Variants in ZNF600 observed in about 807,000 individuals in gnomAD.
The protein encoded by ZNF600 is zinc finger protein KR-ZNF1.
A neutral mutation model predicts 7.3 loss-of-function variants in ZNF600; 4 were observed. That is an observed-to-expected ratio of 0.55 (90% CI 0.27 to 1.25). ZNF600 has a LOEUF of 1.25. Among genes scored for constraint, ZNF600 ranks in the 50% most tolerant of loss-of-function variants. The probability of loss-of-function intolerance (pLI) is 0.12; values close to 1 mark genes in which losing one functional copy is unlikely to be tolerated. For synonymous variants in ZNF600, 290 were observed against 308.9 expected, an observed-to-expected ratio of 0.94 and a Z score of 0.64; for missense variants, 911 against 922.1, an observed-to-expected ratio of 0.99 and a Z score of 0.16.
the ZNF600 span, among the ~76,000 whole-genome samples, chr19:52,816,390 C>T: frequency 2.1e-5 from 3 of 145,902 alleles, 1 homozygote; most frequent in East Asian, 6.0e-4. Flanking sequence ...GCAAGCCGGG[C>T]GCGGTGGCTC....
At chr19:52,814,793 A>G in the ZNF600 span, among the ~76,000 whole-genome samples, 3 of 146,192 alleles carry the variant, frequency 2.1e-5, no homozygotes, top group African/African-American at 5.3e-5. Flanking sequence ...AGCCTGAGGC[A>G]GGAGACTCGC....
the ZNF600 span, chr19:52,800,223 T>C: frequency 3.1e-6 from 5 of 1,613,592 alleles, no homozygotes; most frequent in Non-Finnish European, 4.2e-6. Context: ...AAGTTTATGA[T>C]GACATGCAAG....
the ZNF600 span, among the ~76,000 whole-genome samples, chr19:52,812,734 T>A: frequency 1.1e-5 from 1 of 91,836 alleles, no homozygotes; most frequent in African/African-American, 4.4e-5. Flanking sequence ...CAAATCCCCC[T>A]CTGCGAGAAA....
chr19:52,809,871 G>A, the ZNF600 span: 2 of 683,252 alleles, frequency 2.9e-6, no homozygotes, highest in Admixed American at 4.9e-5. Flanking sequence ...TGGGCCTGCG[G>A]GCGGTCCGGG....
intron 2 of ZNF600, among the ~76,000 whole-genome samples, chr19:52,775,421 A>C (rs770425169): frequency 6.6e-6 from 1 of 150,914 alleles, no homozygotes; most frequent in Non-Finnish European, 1.5e-5. Context: ...GTCGTGGTGC[A>C]GGCCTGTACT....
the ZNF600 span, chr19:52,810,684 G>A: frequency 1.4e-5 from 12 of 850,392 alleles, no homozygotes; most frequent in East Asian, 7.3e-5. Flanking sequence ...GGGCTAGAGC[G>A]ACATCACGGT....
At chr19:52,811,132 G>C in the ZNF600 span, among the ~76,000 whole-genome samples, 1 of 150,638 alleles carries the variant, frequency 6.6e-6, no homozygotes, top group Non-Finnish European at 1.5e-5. Context: ...AACCACGAGT[G>C]ATCCGCCAGC....
intron 1 of ZNF600, among the ~76,000 whole-genome samples, chr19:52,785,360 C>T (rs974783882): frequency 2.6e-5 from 4 of 151,914 alleles, no homozygotes; most frequent in African/African-American, 9.7e-5. Flanking sequence ...AAGGTTTCTC[C>T]TGCCTCAGCC....
the ZNF600 span, chr19:52,800,860 A>C: frequency 1.2e-6 from 2 of 1,614,084 alleles, no homozygotes; most frequent in Non-Finnish European, 1.7e-6. Flanking sequence ...CAAACCTTAC[A>C]TTTGTATGGT....
At chr19:52,768,838 A>G (rs982693190) in intron 3 of ZNF600, among the ~76,000 whole-genome samples, 3 of 152,196 alleles carry the variant, frequency 2.0e-5, no homozygotes, top group African/African-American at 4.8e-5. Context: ...CTAGATCTAG[A>G]TCATAGACAT....
chr19:52,803,761 A>G, the ZNF600 span, among the ~76,000 whole-genome samples: 1 of 152,114 alleles, frequency 6.6e-6, no homozygotes, highest in Non-Finnish European at 1.5e-5. Context: ...GTTCGAGACC[A>G]GCCTGGGCAA....
At chr19:52,770,891 T>C (rs866120542) in intron 3 of ZNF600, among the ~76,000 whole-genome samples, 2 of 152,112 alleles carry the variant, frequency 1.3e-5, no homozygotes, top group Non-Finnish European at 2.9e-5. Context: ...TGGAGTGCAA[T>C]AGCATGATCT....
At chr19:52,822,146 C>T in the ZNF600 span, among the ~76,000 whole-genome samples, 1 of 125,430 alleles carries the variant, frequency 8.0e-6, no homozygotes, top group Non-Finnish European at 1.6e-5. Context: ...GATCTTGACT[C>T]ACTGCAGCCT....
chr19:52,828,353 C>T, the ZNF600 span, among the ~76,000 whole-genome samples: 1 of 151,998 alleles, frequency 6.6e-6, no homozygotes. Flanking sequence ...CACCCGGTGG[C>T]ACTTTGTGAC....
the ZNF600 span, among the ~76,000 whole-genome samples, chr19:52,833,535 T>C: frequency 6.6e-6 from 1 of 152,282 alleles, no homozygotes; most frequent in Non-Finnish European, 1.5e-5. Context: ...CAAAGAGGAA[T>C]ATCACTTCAC....
At chr19:52,771,963 G>A (rs1450362300) in intron 3 of ZNF600, among the ~76,000 whole-genome samples, 1 of 152,094 alleles carries the variant, frequency 6.6e-6, no homozygotes, top group Non-Finnish European at 1.5e-5. Context: ...TAGGAAAAGA[G>A]GCATCTCATC....
the ZNF600 span, among the ~76,000 whole-genome samples, chr19:52,808,665 T>C: frequency 6.7e-6 from 1 of 149,688 alleles, no homozygotes; most frequent in Non-Finnish European, 1.5e-5. Context: ...ACAAAAAACA[T>C]TAGCTGGACC....
In ZNF600 at chr19:52,765,553, T is replaced by C. The variant is rs1388417943; in HGVS notation, c.*34A>G. ...ATTCTCCAATGATTTGCAATGGTTG[T>C]AGCGTTACTGAAGACTTTGTGACAA... On this transcript the variant is annotated 3_prime_UTR_variant, in exon 4 of 4. Coordinates refer to ENST00000648973, the Ensembl canonical transcript of ZNF600. 11 of 1,613,428 alleles carry C rather than the reference T, an allele frequency of 6.8e-6. No homozygotes were observed. The East Asian group carries it at 2.2e-4, about 33-fold the overall frequency.
exon 4 of ZNF600, chr19:52,766,012 A>G: frequency 1.2e-6 from 2 of 1,614,168 alleles, no homozygotes; most frequent in Non-Finnish European, 8.5e-7. Context: ...GTACATTTGT[A>G]AGATTTCTCT....
Sources: gnomAD v4.1 joint callset for allele counts (sites outside exome capture counted in the v4.1 genomes callset) on GRCh38, gnomAD v4.1.1 for gene constraint, MANE v1.5 for transcripts, NCBI Gene and HGNC (gene_info 2026-07-23, HGNC 2026-07-21) for gene names.